Variants in ANGPT1 observed in about 807,000 individuals in gnomAD.
The protein encoded by ANGPT1 is angiopoietin-1.
Under a neutral mutation model 62.2 loss-of-function variants are expected in ANGPT1, and 17 were observed. The observed-to-expected ratio is 0.27, with a 90% CI of 0.19 to 0.41. The LOEUF is 0.41. ANGPT1 is among the 10% of genes least tolerant of loss of function. The pLI, the probability that ANGPT1 is intolerant of heterozygous loss-of-function variation, is 1.00. For missense variants in ANGPT1, 478 were observed against 594.9 expected (o/e 0.80, Z 2.04); for synonymous variants, 199 against 198.9 (o/e 1.00, Z 0.00).
At chr8:107,357,432 T>C (rs902939979) in intron 1 of ANGPT1, among the ~76,000 whole-genome samples, 2 of 152,192 alleles carry the variant, frequency 1.3e-5, no homozygotes, top group East Asian at 1.9e-4. Flanking sequence ...TTATCTGAAA[T>C]GCAATTTAAC....
chr8:107,426,115 TGCTTCCCAGTTGCAAACTG>T (rs1352880418), intron 1 of ANGPT1, among the ~76,000 whole-genome samples: 3 of 152,152 alleles, frequency 2.0e-5, no homozygotes, highest in Non-Finnish European at 2.9e-5. Context: ...TACACAGAAT[TGCTTCCCAGTTGCAAACTG>T]GCTTCCCCTC....
chr8:107,427,634 G>T (rs1408240849), intron 1 of ANGPT1, among the ~76,000 whole-genome samples: 1 of 152,146 alleles, frequency 6.6e-6, no homozygotes, highest in African/African-American at 2.4e-5. Flanking sequence ...GTCCAAGTAA[G>T]ATCTTCCACA....
At chr8:107,393,880 C>T (rs1816883689) in intron 1 of ANGPT1, among the ~76,000 whole-genome samples, 1 of 152,150 alleles carries the variant, frequency 6.6e-6, no homozygotes, top group Non-Finnish European at 1.5e-5. Flanking sequence ...GATGGAGCAA[C>T]CGTCTTGACT....
chr8:107,457,151 C>G (rs1189847417), intron 1 of ANGPT1, among the ~76,000 whole-genome samples: 1 of 151,986 alleles, frequency 6.6e-6, no homozygotes, highest in Non-Finnish European at 1.5e-5. Context: ...ACATATTTTT[C>G]TTTATGATAG....
chr8:107,286,777 C>T (rs1189832049), intron 6 of ANGPT1, among the ~76,000 whole-genome samples: 8 of 152,144 alleles, frequency 5.3e-5, no homozygotes, highest in Non-Finnish European at 1.0e-4. Context: ...CTCTTTACTT[C>T]TCTGTTCCTA....
chr8:107,382,088 G>A (rs1816649471), intron 1 of ANGPT1, among the ~76,000 whole-genome samples: 1 of 151,986 alleles, frequency 6.6e-6, no homozygotes, highest in African/African-American at 2.4e-5. Flanking sequence ...CCAAACAATA[G>A]GTCACCTGCT....
chr8:107,299,222 C>A (rs892975422), intron 5 of ANGPT1, among the ~76,000 whole-genome samples: 2 of 150,812 alleles, frequency 1.3e-5, no homozygotes, highest in African/African-American at 4.9e-5. Flanking sequence ...AAATAATGAT[C>A]CTGCTTAATC....
intron 5 of ANGPT1, among the ~76,000 whole-genome samples, chr8:107,300,170 T>C (rs1814552396): frequency 6.8e-6 from 1 of 148,064 alleles, no homozygotes; most frequent in Non-Finnish European, 1.5e-5. Flanking sequence ...TCTATATCTA[T>C]CTATATATAG....
At chr8:107,417,355 G>A (rs868308135) in intron 1 of ANGPT1, among the ~76,000 whole-genome samples, 8 of 152,202 alleles carry the variant, frequency 5.3e-5, no homozygotes, top group African/African-American at 1.4e-4. Context: ...CCAGTTAGGG[G>A]CTATTGCCAT....
intron 7 of ANGPT1, among the ~76,000 whole-genome samples, chr8:107,271,923 AAT>A (rs1426237131): frequency 6.8e-6 from 1 of 146,690 alleles, no homozygotes; most frequent in Non-Finnish European, 1.5e-5. Flanking sequence ...AAAAAAAAAA[AAT>A]TCCTGGAAAA....
In ANGPT1 at chr8:107,357,436, A is replaced by G. The variant is rs181792845; in HGVS notation, c.298-10339T>C. On this transcript the variant is annotated intron_variant, in intron 1 of 8. Coordinates refer to ENST00000517746, the MANE Select transcript of ANGPT1 (RefSeq NM_001146.5). ...TAGTTTCTTGCTTATCTGAAATGCA[A>G]TTTAACCCCCTGCATGCTACACAAA... Among the ~76,000 whole-genome samples the G allele has an allele frequency of 2.3e-4, 35 of 152,276 alleles. No homozygotes were observed. In the East Asian group the frequency reaches 5.8e-3, roughly 25 times the overall value.
intron 8 of ANGPT1, among the ~76,000 whole-genome samples, chr8:107,257,689 G>T (rs940218508): frequency 6.6e-6 from 1 of 152,044 alleles, no homozygotes; most frequent in Admixed American, 6.6e-5. Flanking sequence ...ATTGATTGGT[G>T]CCATCAATGG....
At chr8:107,265,292 A>T (rs1239173128) in intron 7 of ANGPT1, among the ~76,000 whole-genome samples, 1 of 152,172 alleles carries the variant, frequency 6.6e-6, no homozygotes, top group East Asian at 1.9e-4. Context: ...AGACTGTCCA[A>T]AGAGAACATT....
chr8:107,335,216 A>G (rs970887695), intron 3 of ANGPT1, among the ~76,000 whole-genome samples: 1 of 152,096 alleles, frequency 6.6e-6, no homozygotes, highest in African/African-American at 2.4e-5. Flanking sequence ...CTGTTCCCTC[A>G]CTTGTAAAGA....
intron 1 of ANGPT1, among the ~76,000 whole-genome samples, chr8:107,493,922 C>T (rs1170378743): frequency 6.7e-6 from 1 of 150,334 alleles, no homozygotes; most frequent in Non-Finnish European, 1.5e-5. Flanking sequence ...TAGGGGACAT[C>T]CTTAACCAAA....
At chr8:107,304,147 A>C (rs1814660031) in intron 4 of ANGPT1, among the ~76,000 whole-genome samples, 1 of 151,776 alleles carries the variant, frequency 6.6e-6, no homozygotes, top group Admixed American at 6.6e-5. Context: ...AGTAAACACT[A>C]GAAGTCAAGT....
intron 2 of ANGPT1, among the ~76,000 whole-genome samples, chr8:107,344,125 C>A (rs1052092596): frequency 9.9e-5 from 15 of 151,988 alleles, no homozygotes; most frequent in African/African-American, 3.4e-4. Flanking sequence ...TTATAGAATT[C>A]ATTATTATTA....
intron 6 of ANGPT1, among the ~76,000 whole-genome samples, chr8:107,291,605 G>A (rs1814277681): frequency 6.6e-6 from 1 of 151,886 alleles, no homozygotes; most frequent in Admixed American, 6.6e-5. Context: ...TAGAGACGGG[G>A]TTTCACCATA....
At chr8:107,494,325 G>A (rs1813038796) in intron 1 of ANGPT1, among the ~76,000 whole-genome samples, 1 of 152,278 alleles carries the variant, frequency 6.6e-6, no homozygotes, top group African/African-American at 2.4e-5. Context: ...GGTAGGGAGA[G>A]ATCATAAGAA....
Sources: gnomAD v4.1 joint callset for allele counts (sites outside exome capture counted in the v4.1 genomes callset) on GRCh38, gnomAD v4.1.1 for gene constraint, MANE v1.5 for transcripts, NCBI Gene and HGNC (gene_info 2026-07-23, HGNC 2026-07-21) for gene names.